The following EIF5A variants were observed in gnomAD, a reference collection of about 807,000 sequenced individuals.
EIF5A encodes the protein eukaryotic translation initiation factor 5A, also known as eukaryotic translation initiation factor 5A-1.
In EIF5A, 1 loss-of-function variant was observed where a neutral mutation model predicts 16.6. The observed-to-expected ratio is 0.06, with a 90% CI of 0.02 to 0.28. The LOEUF (loss-of-function observed/expected upper bound fraction) is 0.28. Ranked by LOEUF, EIF5A falls within the 10% of genes least tolerant of loss-of-function variation. EIF5A has a pLI of 1.00. For missense variants in EIF5A, 29 were observed against 196.1 expected, an observed-to-expected ratio of 0.15 and a Z score of 5.09; for synonymous variants, 80 against 73.6, an observed-to-expected ratio of 1.09 and a Z score of -0.44.
At chr17:7,311,235 G>GA in intron 3 of EIF5A, 113 bp downstream of exon 3, 1 of 1,581,274 alleles carries the variant, frequency 6.3e-7, no homozygotes, top group Non-Finnish European at 8.6e-7. Context: ...GAAATGGCAG[G>GA]AGAGGGTGTT....
Position 7,311,864 on chromosome 17 carries a change from C to A in EIF5A, c.*54C>A. The A allele has an allele frequency of 1.5e-6, 1 of 678,204 alleles. No individual in the cohort carries two copies. Among genetic ancestry groups the A allele is most frequent in the Non-Finnish European group, 2.5e-6 (1 of 393,462 alleles). 42.0% of individuals were successfully genotyped at this position (678,204 alleles called of 1,614,324 possible). A position where few individuals can be genotyped will look rare whatever the true frequency, so the allele number is the denominator to read the frequency against. On this transcript the variant is annotated 3_prime_UTR_variant, in exon 6 of 6. Transcript: ENST00000336458. ...CAGTGATCCTCTGAACCTGCAGAGG[C>A]CCCCTCCCCGAGCCTGGCCTGGCTC... is the stretch of plus-strand genomic sequence containing the variant.
intron 1 of EIF5A, among the ~76,000 whole-genome samples, chr17:7,309,174 C>T (rs942611675): frequency 6.8e-6 from 1 of 147,498 alleles, no homozygotes; most frequent in Non-Finnish European, 1.5e-5. Flanking sequence ...GTCCTCCGGT[C>T]TCCACCCTCC....
intron 3 of EIF5A, 83 bp from the exon 4 acceptor site, chr17:7,311,267 C>T (rs916957250): frequency 8.7e-6 from 14 of 1,606,014 alleles, no homozygotes; most frequent in Non-Finnish European, 1.1e-5. Context: ...TGCTATCAGT[C>T]CAGTTTGTCT....
At chr17:7,308,475 C>G (rs1419595171) in intron 1 of EIF5A, 9 of 1,348,292 alleles carry the variant, frequency 6.7e-6, no homozygotes, top group Non-Finnish European at 8.8e-6. Flanking sequence ...CCTAATCACC[C>G]CGGAGGGCCT....
chr17:7,308,446 G>A (rs1035191974), intron 1 of EIF5A: 7 of 1,333,172 alleles, frequency 5.3e-6, no homozygotes, highest in Admixed American at 2.0e-5. Context: ...TTTGAGGAGT[G>A]GAAGCCGGAG....
At chr17:7,310,713 A>G in intron 2 of EIF5A, 1 of 985,322 alleles carries the variant, frequency 1.0e-6, no homozygotes, top group Non-Finnish European at 1.2e-6. Context: ...ACTTTTACTC[A>G]GACTCCTCCC....
intron 3 of EIF5A, 98 bp downstream of exon 3, chr17:7,311,220 G>A (rs924923625): frequency 1.9e-6 from 3 of 1,577,206 alleles, no homozygotes; most frequent in Non-Finnish European, 2.6e-6. Context: ...CTGGGAGAGA[G>A]GAGGGAAATG....
At chr17:7,307,614 G>T, upstream of EIF5A, 1 of 1,024,284 alleles carries the variant, frequency 9.8e-7, no homozygotes, top group Non-Finnish European at 1.2e-6. Flanking sequence ...GGTCAGTGGG[G>T]AGTCGGCGCC....
upstream of EIF5A, chr17:7,307,327 T>G: frequency 8.4e-7 from 1 of 1,192,238 alleles, no homozygotes; most frequent in Non-Finnish European, 1.1e-6. Context: ...GGGCTCCTTA[T>G]TGCGCAGGCG....
Position 7,309,767 on chromosome 17 carries a change from T to C in EIF5A, c.132T>C (p.Ser44=), listed in dbSNP as rs139671141. Residue 44 remains serine, a synonymous_variant, in exon 2 of 6, where the codon TCT becomes TCC. Transcript: ENST00000336458. ...KGRPCKIVEM[S]TSKTGKHGHA... Reference sequence around the variant, plus strand: ...GGCCATGTAAGATCGTCGAGATGTCTACTTCGAAGACTGGCAAGCACGGCC... The same window carrying C: ...GGCCATGTAAGATCGTCGAGATGTCCACTTCGAAGACTGGCAAGCACGGCC... 4 of 1,614,136 alleles carry C rather than the reference T, an allele frequency of 2.5e-6. No homozygotes were observed. In the African/African-American group the frequency reaches 5.3e-5, roughly 22 times the overall value.
At chr17:7,311,542 T>A in intron 4 of EIF5A, 36 bp from the exon 5 acceptor site, 1 of 1,614,136 alleles carries the variant, frequency 6.2e-7, no homozygotes, top group Non-Finnish European at 8.5e-7. Flanking sequence ...CTTCCTGAGC[T>A]CAGACATCTC....
chr17:7,310,621 T>C (rs1597620235), intron 2 of EIF5A: 1 of 985,302 alleles, frequency 1.0e-6, no homozygotes, highest in South Asian at 4.7e-5. Flanking sequence ...TCACATTTCT[T>C]AGTTTCTTAT....
intron 1 of EIF5A, chr17:7,308,382 C>A: frequency 8.3e-7 from 1 of 1,206,352 alleles, no homozygotes; most frequent in South Asian, 1.4e-5. Flanking sequence ...CAGGAGCCGG[C>A]AGCCCCTAGC....
chr17:7,307,565 G>C, upstream of EIF5A: 1 of 1,007,704 alleles, frequency 9.9e-7, no homozygotes, highest in Non-Finnish European at 1.2e-6. Flanking sequence ...GGAGGAGATA[G>C]ATAGCACGCT....
intron 2 of EIF5A, chr17:7,310,036 T>A: frequency 6.7e-7 from 1 of 1,497,234 alleles, no homozygotes; most frequent in Non-Finnish European, 8.9e-7. Flanking sequence ...TCCCTCCGTT[T>A]CTCCAGCTTT....
intron 1 of EIF5A, chr17:7,308,687 C>T: frequency 1.1e-6 from 1 of 937,008 alleles, no homozygotes; most frequent in Non-Finnish European, 1.5e-6. Flanking sequence ...AAGCCTCAGG[C>T]AGATGAGTTT....
chr17:7,308,320 C>G (rs911408527), intron 1 of EIF5A: 2 of 1,156,016 alleles, frequency 1.7e-6, no homozygotes, highest in East Asian at 7.8e-5. Context: ...AGCGCGGGGA[C>G]CCCTCCCCCC....
intron 1 of EIF5A, 125 bp from the exon 2 acceptor site, chr17:7,309,490 T>C: frequency 7.6e-7 from 1 of 1,315,352 alleles, no homozygotes; most frequent in East Asian, 2.3e-5. Context: ...TTCAGGAACT[T>C]TGACTTTATT....
chr17:7,311,259 C>T, intron 3 of EIF5A, 91 bp from the exon 4 acceptor site: 4 of 1,600,332 alleles, frequency 2.5e-6, no homozygotes, highest in Non-Finnish European at 3.4e-6. Flanking sequence ...TATTAGTTTG[C>T]TATCAGTCCA....
Sources: gnomAD v4.1 joint callset for allele counts (sites outside exome capture counted in the v4.1 genomes callset) on GRCh38, gnomAD v4.1.1 for gene constraint, MANE v1.5 for transcripts, NCBI Gene and HGNC (gene_info 2026-07-23, HGNC 2026-07-21) for gene names.